Variants in OTUD7A observed in about 807,000 individuals in gnomAD.
OTUD7A encodes OTU domain-containing protein 7A.
Under a neutral mutation model 65.7 loss-of-function variants are expected in OTUD7A, and 12 were observed. That is an observed-to-expected ratio of 0.18 (90% CI 0.12 to 0.30). The LOEUF (loss-of-function observed/expected upper bound fraction) is 0.30. Ranked by LOEUF, OTUD7A falls within the 10% of genes least tolerant of loss-of-function variation. The pLI, the probability that OTUD7A is intolerant of heterozygous loss-of-function variation, is 1.00. For missense variants in OTUD7A, 1,148 were observed against 1,304.8 expected, an observed-to-expected ratio of 0.88 and a Z score of 1.85; for synonymous variants, 641 against 586.3, an observed-to-expected ratio of 1.09 and a Z score of -1.35.
intron 1 of OTUD7A, among the ~76,000 whole-genome samples, chr15:31,729,757 C>T (rs1893990583): frequency 6.6e-6 from 1 of 152,176 alleles, no homozygotes; most frequent in African/African-American, 2.4e-5. Flanking sequence ...GGGCAAGGCT[C>T]CTCCAAACGA....
Position 31,870,624 on chromosome 15 carries a change from C to G in OTUD7A, c.-217G>C, listed in dbSNP as rs980851688. 1 of 148,444 alleles carries G rather than the reference C, an allele frequency of 6.7e-6. No individual in the cohort carries two copies. The highest frequency in any genetic ancestry group is 2.1e-4 in the South Asian group (1 of 4,858). The allele number at this position is 148,444 out of a possible 1,614,324, so 9.2% of individuals were successfully genotyped here. On this transcript the variant is annotated 5_prime_UTR_variant, in exon 1 of 13. Transcript: ENST00000307050. ...ATCAGCTGTTTTGCTCCCGCTCGGG[C>G]TCCGCGGCCCCCTCCCCAGCTGCCG...
At chr15:31,710,622 T>G (rs1227536088) in intron 1 of OTUD7A, among the ~76,000 whole-genome samples, 4 of 152,196 alleles carry the variant, frequency 2.6e-5, no homozygotes, top group African/African-American at 9.6e-5. Context: ...TGTGTGTTCT[T>G]CTGCTGCCGG....
At chr15:31,518,475 T>TA (rs35618927) in intron 8 of OTUD7A, among the ~76,000 whole-genome samples, 37 of 146,740 alleles carry the variant, frequency 2.5e-4, no homozygotes, top group Non-Finnish European at 3.5e-4. Flanking sequence ...TCCATCTGAT[T>TA]AAAAAAAAAA....
chr15:31,483,656 GCGA>G lies in OTUD7A; in HGVS notation c.2437_2439del (p.Ser813del), dbSNP rs2041175528. 1 of 1,169,672 alleles carries G rather than the reference GCGA, an allele frequency of 8.5e-7. No individual in the cohort carries two copies. Among genetic ancestry groups the G allele is most frequent in the African/African-American group, 1.6e-5 (1 of 61,238 alleles). The allele number at this position is 1,169,672 out of a possible 1,614,324, so 72.5% of individuals were successfully genotyped here. ...GCGGCGCGCGCCGGGCTGTAGCTCT[GCGA>G]CGACAGCGAGCGGTTCTGCTGCGGG... is the stretch of plus-strand genomic sequence containing the variant. On this transcript the variant is annotated inframe_deletion, in exon 13 of 13. Transcript: ENST00000307050.
chr15:31,688,059 T>C (rs1219720103), intron 1 of OTUD7A, among the ~76,000 whole-genome samples: 1 of 152,002 alleles, frequency 6.6e-6, no homozygotes, highest in East Asian at 1.9e-4. Context: ...CTACTAAAAA[T>C]ACAAAAATTA....
chr15:31,521,141 C>T lies in OTUD7A; in HGVS notation c.893+5208G>A, dbSNP rs74010692. On this transcript the variant is annotated intron_variant, in intron 8 of 12. Transcript: ENST00000307050. ...GGAAGCTATGACAGGCCGGAGGGTT[C>T]GCGGGGGTGAGGACTGAAAAATTAC... Among the ~76,000 whole-genome samples, 1,344 of 152,218 alleles carry T rather than the reference C, an allele frequency of 8.8e-3. 19 individuals are homozygous for T. Among genetic ancestry groups the T allele is most frequent in the African/African-American group, 0.03 (1,245 of 41,524 alleles).
intron 1 of OTUD7A, among the ~76,000 whole-genome samples, chr15:31,815,699 G>A (rs1896530865): frequency 6.6e-6 from 1 of 152,204 alleles, no homozygotes; most frequent in African/African-American, 2.4e-5. Context: ...CCAGGCTGGG[G>A]GGCCTCTCCC....
intron 8 of OTUD7A, among the ~76,000 whole-genome samples, chr15:31,509,645 CT>C (rs2041647096): frequency 6.6e-6 from 1 of 151,822 alleles, no homozygotes; most frequent in Non-Finnish European, 1.5e-5. Flanking sequence ...ATTTTTATGT[CT>C]TTTTGTAATT....
chr15:31,844,149 G>C (rs548240148), intron 1 of OTUD7A, among the ~76,000 whole-genome samples: 15 of 152,286 alleles, frequency 9.8e-5, no homozygotes, highest in African/African-American at 3.6e-4. Flanking sequence ...TGTGCCTTTT[G>C]ACCTCTAGCA....
rs752752656 is a variant in OTUD7A at position 31,484,352 on chromosome 15, ACTC to A, written c.1741_1743del (p.Glu581del). 1.4e-5 allele frequency: 22 copies of A among 1,599,224 alleles called. No homozygotes were observed. The highest frequency in any genetic ancestry group is 1.8e-5 in the Non-Finnish European group (21 of 1,179,116). ...GGCGACGTGCTGGCCGACGCACCAG[ACTC>A]CTCCTTGCTGCCCTTGCGCGACTTG... is the stretch of plus-strand genomic sequence containing the variant. On this transcript the variant is annotated inframe_deletion, in exon 13 of 13. Transcript: ENST00000307050. The surrounding 1 kb of genome is among the most constrained non-coding windows in gnomAD (Gnocchi z 4.5).
At position 31,687,523 on chromosome 15, in the gene OTUD7A, C is replaced by T. The variant is rs368164593; in HGVS notation, c.-99-30446G>A. 3.0e-3 allele frequency among the ~76,000 whole-genome samples: 455 copies of T among 152,330 alleles called. 3 individuals carry two copies. Among genetic ancestry groups the T allele is most frequent in the African/African-American group, 0.01 (429 of 41,572 alleles). On this transcript the variant is annotated intron_variant, in intron 1 of 12. Coordinates refer to ENST00000307050, the MANE Select transcript of OTUD7A (RefSeq NM_001382637.1). ...ACAGGCTGTACCCTCTACCATATGCCTCCTGCGATGGTCACTCCCAGTCTC... is the reference window on the plus strand; with the variant it reads ...ACAGGCTGTACCCTCTACCATATGCTTCCTGCGATGGTCACTCCCAGTCTC...
At chr15:31,626,718 G>C (rs1890963807) in intron 3 of OTUD7A, among the ~76,000 whole-genome samples, 2 of 152,014 alleles carry the variant, frequency 1.3e-5, no homozygotes, top group South Asian at 4.2e-4. Flanking sequence ...CAGGACTACA[G>C]GTGTGTGCCA....
chr15:31,608,707 G>A (rs935934458), intron 3 of OTUD7A, among the ~76,000 whole-genome samples: 1 of 152,204 alleles, frequency 6.6e-6, no homozygotes, highest in African/African-American at 2.4e-5. Flanking sequence ...GAATATACAG[G>A]ATGGGATAGA....
intron 3 of OTUD7A, among the ~76,000 whole-genome samples, chr15:31,596,050 T>G (rs758729662): frequency 6.6e-6 from 1 of 152,176 alleles, no homozygotes. Flanking sequence ...ACCTAGATAA[T>G]CCAGGATAAT....
chr15:31,531,001 C>A (rs1358378683), intron 5 of OTUD7A, among the ~76,000 whole-genome samples, 193 bp from the exon 6 acceptor site: 1 of 152,166 alleles, frequency 6.6e-6, no homozygotes, highest in African/African-American at 2.4e-5. Flanking sequence ...GTGGCCAAAT[C>A]CTCCCATCAA....
At chr15:31,841,238 A>G (rs1299387632) in intron 1 of OTUD7A, among the ~76,000 whole-genome samples, 1 of 152,152 alleles carries the variant, frequency 6.6e-6, no homozygotes, top group African/African-American at 2.4e-5. Context: ...CTCAACTTGG[A>G]CTTCAACCCA....
intron 1 of OTUD7A, among the ~76,000 whole-genome samples, chr15:31,816,674 C>A (rs1231087789): frequency 1.3e-5 from 2 of 151,250 alleles, no homozygotes; most frequent in Non-Finnish European, 2.9e-5. Flanking sequence ...GGTGACAGAG[C>A]GAGACTCCGT....
intron 1 of OTUD7A, among the ~76,000 whole-genome samples, chr15:31,737,407 T>A (rs1055236002): frequency 1.3e-5 from 2 of 151,978 alleles, no homozygotes; most frequent in African/African-American, 4.8e-5. Context: ...AAGGTAGTCA[T>A]GAAAAAACGA....
intron 4 of OTUD7A, among the ~76,000 whole-genome samples, chr15:31,567,610 T>C (rs1888916158): frequency 6.6e-6 from 1 of 152,206 alleles, no homozygotes; most frequent in Admixed American, 6.5e-5. Context: ...GGAAGCTAAA[T>C]GAGTGCTATT....
Sources: allele counts gnomAD v4.1 joint callset (sites outside exome capture counted in the v4.1 genomes callset), GRCh38; gene constraint gnomAD v4.1.1; non-coding constraint Gnocchi (gnomAD v3.1); transcripts MANE v1.5; gene names NCBI Gene and HGNC (gene_info 2026-07-23, HGNC 2026-07-21).